The following TULP4 variants were observed in gnomAD, a reference collection of about 807,000 sequenced individuals.
TULP4 encodes tubby-related protein 4.
Under a neutral mutation model 129.0 loss-of-function variants are expected in TULP4, and 16 were observed. That is an observed-to-expected ratio of 0.12 (90% confidence interval 0.08 to 0.19). The LOEUF (loss-of-function observed/expected upper bound fraction) is 0.19, where lower values mean the gene tolerates loss of function less well. Ranked by LOEUF, TULP4 falls within the 10% of genes least tolerant of loss-of-function variation. TULP4 has a pLI of 1.00. For synonymous variants in TULP4, 998 were observed against 854.0 expected (o/e 1.17, Z -2.94); for missense variants, 1,842 against 2,059.1 (o/e 0.89, Z 2.04).
At chr6:158,442,849 C>G (rs572212357) in intron 3 of TULP4, among the ~76,000 whole-genome samples, 2 of 151,286 alleles carry the variant, frequency 1.3e-5, no homozygotes, top group Non-Finnish European at 2.9e-5. Context: ...TTGCTCTTGT[C>G]CCCCAGGCTC....
rs1582878030 is a variant in TULP4 at position 158,493,588 on chromosome 6, C to T, written c.1647C>T (p.Ala549=). Residue 549 remains alanine (A), a synonymous_variant, in exon 10 of 14, where the codon GCC becomes GCT. Transcript: ENST00000367097. The surrounding 1 kb of genome is among the most constrained non-coding windows in gnomAD (Gnocchi z 4.4). ...GCCTCCCCAGGATCAGCATTGAGGC[C>T]CGCAAGTCACCCAAGCTGCCCCGGG... ...SPKLPRISIE[A]RKSPKLPRAA... 6.5e-7 allele frequency: 1 copy of T among 1,547,400 alleles called. No homozygotes were observed.
intron 1 of TULP4, among the ~76,000 whole-genome samples, chr6:158,255,094 A>G (rs1194627697): frequency 6.6e-6 from 1 of 151,958 alleles, no homozygotes; most frequent in Non-Finnish European, 1.5e-5. Context: ...AAACAAAAGC[A>G]ACAGAAAAAC....
chr6:158,393,538 AGGC>A (rs1226135265), intron 1 of TULP4, among the ~76,000 whole-genome samples: 46 of 152,338 alleles, frequency 3.0e-4, no homozygotes, highest in East Asian at 9.6e-4. Flanking sequence ...TCTGAAATCT[AGGC>A]AGAGGTTTCC....
intron 10 of TULP4, 60 bp from the exon 11 acceptor site, chr6:158,494,693 A>G (rs1780290156): frequency 6.8e-7 from 1 of 1,461,572 alleles, no homozygotes; most frequent in African/African-American, 1.4e-5. Context: ...TTACTGAGTG[A>G]CCAGTTGAAA....
At chr6:158,340,977 C>T (rs985974969) in intron 1 of TULP4, among the ~76,000 whole-genome samples, 1 of 152,034 alleles carries the variant, frequency 6.6e-6, no homozygotes, top group Non-Finnish European at 1.5e-5. Flanking sequence ...TTGTTTAAGC[C>T]TTTGCAGAGC....
At position 158,501,791 on chromosome 6, in the gene TULP4, G is replaced by T. The variant is rs769418143; in HGVS notation, c.2128G>T (p.Val710Leu). The change falls in exon 13 of 14, where the codon GTG (valine) becomes TTG (leucine). Residue 710 changes from valine to leucine, a missense_variant. Val to Leu is a conservative substitution (Grantham distance 32). Around this residue, in one of 5 missense-constraint regions of TULP4, gnomAD observed 99 missense variants for 165.1 expected, o/e 0.60. Coordinates refer to ENST00000367097, the MANE Select transcript of TULP4 (RefSeq NM_020245.5). ...GTCCCCCACGCAGAGCATAGGGCTG[G>T]TGCAGTCCCTACTGGCCAATCAGAA... is the stretch of plus-strand genomic sequence containing the variant. ...AMSPTQSIGLVQSLLANQNVQ... is the reference protein window; with the variant it reads ...AMSPTQSIGLLQSLLANQNVQ... The T allele has an allele frequency of 1.2e-6, 2 of 1,613,976 alleles. No homozygotes were observed. Among genetic ancestry groups the T allele is most frequent in the South Asian group, 1.1e-5 (1 of 91,078 alleles).
chr6:158,388,918 C>T (rs1777520063), intron 1 of TULP4, among the ~76,000 whole-genome samples: 1 of 152,124 alleles, frequency 6.6e-6, no homozygotes, highest in Non-Finnish European at 1.5e-5. Flanking sequence ...TGGCACCTCC[C>T]ACCACGGGTA....
At chr6:158,505,715 C>T (rs2128267386) in intron 13 of TULP4, among the ~76,000 whole-genome samples, 1 of 152,320 alleles carries the variant, frequency 6.6e-6, no homozygotes, top group South Asian at 2.1e-4. Context: ...GCAAGTCCCT[C>T]CCTGAGGCAG....
At chr6:158,438,355 TC>T (rs143418996) in intron 3 of TULP4, among the ~76,000 whole-genome samples, 36,450 of 152,132 alleles carry the variant, frequency 0.24, 5,602 homozygotes, top group Middle Eastern at 0.34. Flanking sequence ...CCTCATCTGT[TC>T]CTTACTTGGA....
Position 158,392,794 on chromosome 6 carries a change from C to CTTTTTTTTTTTTTTTTT in TULP4, c.253-20262_253-20246dup. Among the ~76,000 whole-genome samples, 95 of 54,642 alleles carry CTTTTTTTTTTTTTTTTT rather than the reference C, an allele frequency of 1.7e-3. 25 individuals are homozygous for CTTTTTTTTTTTTTTTTT. The highest frequency in any genetic ancestry group is 1.9e-3 in the African/African-American group (22 of 11,456). The allele number at this position is 54,642 out of a possible 152,430, so 35.8% of individuals were successfully genotyped here. ...GTACCTATTGTTTAAATTTGTATTT[C>CTTTTTTTTTTTTTTTTT]TTTTTTTTTTTTTTTTTTTTTTTTT... On this transcript the variant is annotated intron_variant, in intron 1 of 13. Transcript: ENST00000367097.
At chr6:158,355,113 C>T (rs901709597) in intron 1 of TULP4, among the ~76,000 whole-genome samples, 2 of 151,378 alleles carry the variant, frequency 1.3e-5, no homozygotes, top group African/African-American at 4.9e-5. Flanking sequence ...GCTCTGTCAC[C>T]TAGACTGGAG....
At position 158,502,761 on chromosome 6, in the gene TULP4, C is replaced by G; in HGVS notation, c.3098C>G (p.Ala1033Gly). Reference sequence around the variant, plus strand: ...CAGCTCCCAGCGCGGCCCCCACCTGCCCTGTACACCTGCAGTCAGTGCAGT... The same window carrying G: ...CAGCTCCCAGCGCGGCCCCCACCTGGCCTGTACACCTGCAGTCAGTGCAGT... ...VTQLPARPPP[A>G]LYTCSQCSGT... Residue 1033 changes from alanine (A) to glycine (G), a missense_variant, in exon 13 of 14, where the codon GCC (alanine) becomes GGC (glycine). Physicochemically the swap from Ala to Gly is moderately conservative, Grantham distance 60. Around this residue, in one of 5 missense-constraint regions of TULP4, gnomAD observed 1,089 missense variants for 987.1 expected, o/e 1.10. Transcript: ENST00000367097. The G allele has an allele frequency of 6.2e-7, 1 of 1,601,878 alleles. No individual in the cohort carries two copies. The highest frequency in any genetic ancestry group is 1.1e-5 in the South Asian group (1 of 90,688).
At chr6:158,274,602 C>G (rs905596819) in intron 1 of TULP4, among the ~76,000 whole-genome samples, 1 of 152,146 alleles carries the variant, frequency 6.6e-6, no homozygotes, top group Non-Finnish European at 1.5e-5. Flanking sequence ...CGTTGAAACC[C>G]TGTCTCTACT....
At chr6:158,348,933 T>C (rs1157702145) in intron 1 of TULP4, among the ~76,000 whole-genome samples, 16 of 92,844 alleles carry the variant, frequency 1.7e-4, no homozygotes, top group African/African-American at 2.7e-4. Flanking sequence ...GAGGCACTCC[T>C]CACCTCCCAG....
chr6:158,443,034 A>G (rs1778936659), intron 3 of TULP4, among the ~76,000 whole-genome samples: 1 of 151,862 alleles, frequency 6.6e-6, no homozygotes, highest in African/African-American at 2.4e-5. Context: ...ACCAGACTGG[A>G]ATGCAGTGGC....
intron 1 of TULP4, among the ~76,000 whole-genome samples, chr6:158,324,422 T>C (rs1375539107): frequency 6.6e-6 from 1 of 152,130 alleles, no homozygotes; most frequent in African/African-American, 2.4e-5. Context: ...TGTGGACCAG[T>C]GTGGTCAGGG....
At chr6:158,486,765 T>C (rs1307482472) in intron 8 of TULP4, among the ~76,000 whole-genome samples, 2 of 152,162 alleles carry the variant, frequency 1.3e-5, no homozygotes, top group African/African-American at 4.8e-5. Flanking sequence ...ATTTAGAGTG[T>C]ATATTTAAAA....
At chr6:158,399,598 A>G (rs1476982243) in intron 1 of TULP4, among the ~76,000 whole-genome samples, 1 of 152,230 alleles carries the variant, frequency 6.6e-6, no homozygotes, top group African/African-American at 2.4e-5. Context: ...GCCTGAGAGC[A>G]TATTTCAAGT....
intron 1 of TULP4, among the ~76,000 whole-genome samples, chr6:158,360,021 T>A (rs1336997443): frequency 6.6e-6 from 1 of 151,772 alleles, no homozygotes; most frequent in Non-Finnish European, 1.5e-5. Context: ...CCATCTGGGC[T>A]AAGGGTCAGA....
Sources: gnomAD v4.1 joint callset for allele counts (sites outside exome capture counted in the v4.1 genomes callset) on GRCh38, gnomAD v4.1.1 for gene constraint, gnomAD v4.1.1 regional missense constraint, Gnocchi (gnomAD v3.1) non-coding constraint, MANE v1.5 for transcripts, NCBI Gene and HGNC (gene_info 2026-07-23, HGNC 2026-07-21) for gene names.